The following HMX1 variants were observed in gnomAD, a reference collection of about 807,000 sequenced individuals.
The protein encoded by HMX1 is H6 family homeobox 1, also known as homeobox protein HMX1.
Under a neutral mutation model 8.9 loss-of-function variants are expected in HMX1, and 8 were observed. The observed-to-expected ratio is 0.90, with a 90% CI of 0.53 to 1.63. The LOEUF (loss-of-function observed/expected upper bound fraction) is 1.63. Among genes scored for constraint, HMX1 ranks in the 40% most tolerant of loss-of-function variants. The probability of loss-of-function intolerance (pLI) is 0.00; values close to 1 mark genes in which losing one functional copy is unlikely to be tolerated. For synonymous variants in HMX1, 311 were observed against 283.4 expected (o/e 1.10, Z -0.98); for missense variants, 621 against 558.5 (o/e 1.11, Z -1.13).
At chr4:8,857,577 C>T (rs950409488) in intron 1 of HMX1, among the ~76,000 whole-genome samples, 7 of 152,200 alleles carry the variant, frequency 4.6e-5, no homozygotes, top group Non-Finnish European at 7.4e-5. Flanking sequence ...CCTCCGCACC[C>T]CCCCGCCCCC....
At position 8,867,718 on chromosome 4, in the gene HMX1, C is replaced by G. The variant is rs1172162484; in HGVS notation, c.1022G>C (p.Arg341Pro). The G allele has an allele frequency of 7.8e-7, 1 of 1,279,074 alleles. No homozygotes were observed. Among genetic ancestry groups the G allele is most frequent in the Non-Finnish European group, 9.8e-7 (1 of 1,016,508 alleles). 79.2% of individuals were successfully genotyped at this position (1,279,074 alleles called of 1,614,324 possible). ...TCACACCAGGCCAGGCATCTGCGCC[C>G]GCAGAAAGGGCACGGAGGCGGCGGC... ...FPAAASVPFLRAQMPGLV is the reference protein window; with the variant it reads ...FPAAASVPFLPAQMPGLV The change falls in exon 2 of 2, where the codon CGG becomes CCG. Residue 341 changes from arginine to proline, a missense_variant. Arg to Pro is a moderately radical substitution (Grantham distance 103). Transcript: ENST00000400677.
chr4:8,864,190 C>G (rs1437258753), downstream of HMX1, among the ~76,000 whole-genome samples: 1 of 152,236 alleles, frequency 6.6e-6, no homozygotes, highest in Non-Finnish European at 1.5e-5. Flanking sequence ...CCAGCATTTA[C>G]AAATTACAGA....
chr4:8,847,308 G>T lies in HMX1; in HGVS notation c.395-984C>A, dbSNP rs1355876106. Among the ~76,000 whole-genome samples the T allele has an allele frequency of 6.6e-6, 1 of 152,126 alleles. No individual in the cohort carries two copies. Among genetic ancestry groups the T allele is most frequent in the Non-Finnish European group, 1.5e-5 (1 of 68,028 alleles). ...ATAATAATTTAATTTAATTTAAAAA[G>T]CCACTAAGTGATCTGATGTCTCCTG... On this transcript the variant is annotated intron_variant, in intron 1 of 1. Transcript: ENST00000506970. This position sits in a 1 kb window ranked among gnomAD's most constrained non-coding sequence, Gnocchi z 6.0.
chr4:8,871,471 G>A lies in HMX1; in HGVS notation c.144C>T (p.Asp48=). The A allele has an allele frequency of 2.2e-6, 3 of 1,341,868 alleles. No homozygotes were observed. The highest frequency in any genetic ancestry group is 3.1e-5 in the South Asian group (2 of 64,026). The allele number at this position is 1,341,868 out of a possible 1,614,324, so 83.1% of individuals were successfully genotyped here. A position where few individuals can be genotyped will look rare whatever the true frequency, so the allele number is the denominator to read the frequency against. ...GDGSREDEEE[D]DDDPEDEDAE... ...CGTCCTCGTCTTCGGGGTCGTCGTC[G>A]TCCTCCTCCTCGTCCTCCCGGCTGC... Residue 48 remains aspartate (D), a synonymous_variant, in exon 1 of 2, where the codon GAC becomes GAT. Transcript: ENST00000400677. This position sits in a 1 kb window ranked among gnomAD's most constrained non-coding sequence, Gnocchi z 4.8.
At chr4:8,851,573 C>A (rs573156837) in intron 1 of HMX1, among the ~76,000 whole-genome samples, 1 of 152,324 alleles carries the variant, frequency 6.6e-6, no homozygotes, top group East Asian at 1.9e-4. Context: ...ATACAAGACC[C>A]CCTGAGGCCC....
Position 8,867,406 on chromosome 4 carries a change from G to C in HMX1, c.*287C>G. 9.4e-7 allele frequency: 1 copy of C among 1,066,148 alleles called. No individual in the cohort carries two copies. The highest frequency in any genetic ancestry group is 6.3e-5 in the East Asian group (1 of 15,798). 66.0% of individuals were successfully genotyped at this position (1,066,148 alleles called of 1,614,324 possible). A position where few individuals can be genotyped will look rare whatever the true frequency, so the allele number is the denominator to read the frequency against. ...TGGCCGACCGCTCCTCGCTGAGGCC[G>C]GGGGGTGGCCGTGGCGCCGGGGGCT... On this transcript the variant is annotated 3_prime_UTR_variant, in exon 2 of 2. Transcript: ENST00000400677.
rs1164845079 is a variant in HMX1, at chr4:8,868,187, C to A, written c.553G>T (p.Val185Phe). Residue 185 changes from valine to phenylalanine, a missense_variant, in exon 2 of 2, where the codon GTC (valine) becomes TTC (phenylalanine). Coordinates refer to ENST00000400677, the MANE Select transcript of HMX1 (RefSeq NM_018942.3). This position sits in a 1 kb window ranked among gnomAD's most constrained non-coding sequence, Gnocchi z 4.6. ...GTEEASELAE[V>F]PAAAGETRGG... Reference sequence around the variant, plus strand: ...CGTGTCTCCCCAGCCGCCGCAGGGACCTCGGCCAGCTCCGACGCCTCCTCC... The same window carrying A: ...CGTGTCTCCCCAGCCGCCGCAGGGAACTCGGCCAGCTCCGACGCCTCCTCC... The A allele has an allele frequency of 4.0e-6, 6 of 1,490,924 alleles. No homozygotes were observed. The highest frequency in any genetic ancestry group is 2.2e-4 in the Middle Eastern group (1 of 4,462). 92.4% of individuals were successfully genotyped at this position (1,490,924 alleles called of 1,614,324 possible). A position where few individuals can be genotyped will look rare whatever the true frequency, so the allele number is the denominator to read the frequency against.
In HMX1 at chr4:8,868,208, C is replaced by T. The variant is rs1336325306; in HGVS notation, c.532G>A (p.Glu178Lys). The T allele has an allele frequency of 4.8e-6, 7 of 1,459,916 alleles. No individual in the cohort carries two copies. The South Asian group carries it at 9.3e-5, about 19-fold the overall frequency. The allele number at this position is 1,459,916 out of a possible 1,614,324, so 90.4% of individuals were successfully genotyped here. Residue 178 changes from glutamate to lysine, a missense_variant, in exon 2 of 2, where the codon GAG becomes AAG. Physicochemically the swap from Glu to Lys is moderately conservative, Grantham distance 56. Coordinates refer to ENST00000400677, the MANE Select transcript of HMX1 (RefSeq NM_018942.3). The surrounding 1 kb of genome is among the most constrained non-coding windows in gnomAD (Gnocchi z 4.6). ...GGGACCTCGGCCAGCTCCGACGCCT[C>T]CTCCGTGCCGGCCGCCGGGCCACGC... ...AARGPAAGTE[E>K]ASELAEVPAA...
chr4:8,866,595 G>T (rs764722406), downstream of HMX1, among the ~76,000 whole-genome samples: 2 of 152,224 alleles, frequency 1.3e-5, no homozygotes, highest in Non-Finnish European at 2.9e-5. Flanking sequence ...ACTGCAGGCC[G>T]GGAGGAAGAC....
intron 1 of HMX1, among the ~76,000 whole-genome samples, chr4:8,850,440 T>C (rs1373271780): frequency 6.6e-6 from 1 of 152,110 alleles, no homozygotes; most frequent in Non-Finnish European, 1.5e-5. Context: ...GCACTGTCCC[T>C]TACCCTGACC....
At chr4:8,846,365 G>GT in intron 1 of HMX1, 1 of 1,438,770 alleles carries the variant, frequency 7.0e-7, no homozygotes, top group Admixed American at 2.0e-5. Context: ...CACTAGTCAT[G>GT]TCTGCACAAG....
chr4:8,868,249 G>A lies in HMX1; in HGVS notation c.491C>T (p.Ala164Val), dbSNP rs192543787. ...GPGPGAVQREAAELAARGPAA... is the reference protein window; with the variant it reads ...GPGPGAVQREVAELAARGPAA... ...CGGGCCACGCGCCGCCAGCTCCGCT[G>A]CCTCCCGCTGCACCGCTCCCGGCCC... Residue 164 changes from alanine to valine, a missense_variant, in exon 2 of 2, where the codon GCA (alanine) becomes GTA (valine). Coordinates refer to ENST00000400677, the MANE Select transcript of HMX1 (RefSeq NM_018942.3). This position sits in a 1 kb window ranked among gnomAD's most constrained non-coding sequence, Gnocchi z 4.6. 78 of 1,437,782 alleles carry A rather than the reference G, an allele frequency of 5.4e-5. No homozygotes were observed. In the East Asian group the frequency reaches 2.2e-3, roughly 41 times the overall value. The allele number at this position is 1,437,782 out of a possible 1,614,324, so 89.1% of individuals were successfully genotyped here. A position where few individuals can be genotyped will look rare whatever the true frequency, so the allele number is the denominator to read the frequency against.
chr4:8,860,468 G>C (rs527897212), intron 1 of HMX1, among the ~76,000 whole-genome samples: 2 of 152,378 alleles, frequency 1.3e-5, no homozygotes, highest in African/African-American at 4.8e-5. Flanking sequence ...CGGGCTCAGA[G>C]AGATGAAGTG....
At chr4:8,860,419 T>A (rs1479381084) in intron 1 of HMX1, among the ~76,000 whole-genome samples, 1 of 152,184 alleles carries the variant, frequency 6.6e-6, no homozygotes, top group Non-Finnish European at 1.5e-5. Context: ...CGCGCCGCCT[T>A]CACCCCCGCT....
chr4:8,866,457 G>C (rs1418133175), downstream of HMX1, among the ~76,000 whole-genome samples: 2 of 152,236 alleles, frequency 1.3e-5, no homozygotes, highest in Admixed American at 1.3e-4. Context: ...GCCAGCTTGG[G>C]GCTGATGGAG....
chr4:8,867,393 C>T lies in HMX1; in HGVS notation c.*300G>A, dbSNP rs1722035567. ...CCCCGGGTGGCCATGGCCGACCGCT[C>T]CTCGCTGAGGCCGGGGGGTGGCCGT... On this transcript the variant is annotated 3_prime_UTR_variant, in exon 2 of 2. Transcript: ENST00000400677. 1 of 1,061,432 alleles carries T rather than the reference C, an allele frequency of 9.4e-7. No individual in the cohort carries two copies. Among genetic ancestry groups the T allele is most frequent in the South Asian group, 4.6e-5 (1 of 21,960 alleles). The allele number at this position is 1,061,432 out of a possible 1,614,324, so 65.8% of individuals were successfully genotyped here. A position where few individuals can be genotyped will look rare whatever the true frequency, so the allele number is the denominator to read the frequency against.
At chr4:8,855,913 T>G (rs770546421) in intron 1 of HMX1, among the ~76,000 whole-genome samples, 21 of 152,024 alleles carry the variant, frequency 1.4e-4, no homozygotes, top group Non-Finnish European at 1.8e-4. Context: ...CAGCCTGCCC[T>G]CCCCCTCCCC....
chr4:8,859,985 G>C (rs551600765), intron 1 of HMX1, among the ~76,000 whole-genome samples: 1 of 152,230 alleles, frequency 6.6e-6, no homozygotes, highest in Non-Finnish European at 1.5e-5. Context: ...CCCGTGGTGG[G>C]AGTGGAGGGC....
At chr4:8,863,324 A>T (rs1241293715), downstream of HMX1, among the ~76,000 whole-genome samples, 1 of 151,734 alleles carries the variant, frequency 6.6e-6, no homozygotes, top group Non-Finnish European at 1.5e-5. Context: ...GCCACGAAAG[A>T]CTCTTGGGGG....
Sources: gnomAD v4.1 joint callset for allele counts (sites outside exome capture counted in the v4.1 genomes callset) on GRCh38, gnomAD v4.1.1 for gene constraint, Gnocchi (gnomAD v3.1) non-coding constraint, MANE v1.5 for transcripts, NCBI Gene and HGNC (gene_info 2026-07-23, HGNC 2026-07-21) for gene names.